JAM3: variants seen among roughly 807,000 people sequenced by gnomAD.
JAM3 encodes junctional adhesion molecule C.
In JAM3, 31 loss-of-function variants were observed where a neutral mutation model predicts 39.4. That is an observed-to-expected ratio of 0.79 (90% CI 0.59 to 1.06). The LOEUF (loss-of-function observed/expected upper bound fraction) is 1.06. Among genes scored for constraint, JAM3 ranks in the 50% least tolerant of loss-of-function variants. JAM3 has a pLI of 0.00. For synonymous variants in JAM3, 182 were observed against 148.7 expected (o/e 1.22, Z -1.63); for missense variants, 455 against 391.4 (o/e 1.16, Z -1.37).
At chr11:134,108,686 T>C (rs150696341) in intron 1 of JAM3, among the ~76,000 whole-genome samples, 16 of 152,270 alleles carry the variant, frequency 1.1e-4, no homozygotes, top group African/African-American at 3.9e-4. Flanking sequence ...AATAACGCAA[T>C]ATCACCATAT....
intron 1 of JAM3, among the ~76,000 whole-genome samples, chr11:134,131,179 C>T (rs1394941524): frequency 6.8e-6 from 1 of 147,942 alleles, no homozygotes; most frequent in Non-Finnish European, 1.5e-5. Flanking sequence ...TGAAGGAGTA[C>T]CCCTGCACAG....
intron 1 of JAM3, among the ~76,000 whole-genome samples, chr11:134,134,376 A>ACT (rs1288951827): frequency 1.4e-5 from 2 of 145,194 alleles, no homozygotes; most frequent in East Asian, 3.9e-4. Context: ...GAAGCTCAGA[A>ACT]AACACCAAAC....
rs1230800696 is a variant in JAM3 at position 134,150,724 on chromosome 11, A to G, written c.*1543A>G. ...TGCGAAATCAAGTCTGTCAAGTACAATAACATTTTTAAAAGAAAATGGATC... is the reference window on the plus strand; with the variant it reads ...TGCGAAATCAAGTCTGTCAAGTACAGTAACATTTTTAAAAGAAAATGGATC... On this transcript the variant is annotated 3_prime_UTR_variant, in exon 9 of 9. Transcript: ENST00000299106. The G allele has an allele frequency of 2.0e-5, 3 of 152,158 alleles. No individual in the cohort carries two copies. Among genetic ancestry groups the G allele is most frequent in the South Asian group, 2.1e-4 (1 of 4,816 alleles). 9.4% of individuals were successfully genotyped at this position (152,158 alleles called of 1,614,324 possible). A position where few individuals can be genotyped will look rare whatever the true frequency, so the allele number is the denominator to read the frequency against.
intron 1 of JAM3, among the ~76,000 whole-genome samples, chr11:134,093,944 C>G (rs1448071301): frequency 8.1e-6 from 1 of 122,902 alleles, no homozygotes; most frequent in Non-Finnish European, 1.7e-5. Flanking sequence ...CTGAACCCTC[C>G]TTATTCATCA....
intron 1 of JAM3, among the ~76,000 whole-genome samples, chr11:134,102,267 C>A (rs911581250): frequency 7.9e-5 from 12 of 152,116 alleles, no homozygotes; most frequent in Admixed American, 5.9e-4. Flanking sequence ...CTGGAGTGGA[C>A]CTCCAGCAAA....
At chr11:134,105,498 C>G (rs1188427503) in intron 1 of JAM3, among the ~76,000 whole-genome samples, 1 of 152,090 alleles carries the variant, frequency 6.6e-6, no homozygotes, top group Non-Finnish European at 1.5e-5. Flanking sequence ...GAAGTTCTGG[C>G]CAGGGCAATC....
chr11:134,130,263 G>T (rs1942743603), intron 1 of JAM3, among the ~76,000 whole-genome samples: 1 of 152,140 alleles, frequency 6.6e-6, no homozygotes. Context: ...CATTGAAAGA[G>T]CAAAGACACT....
In JAM3 at chr11:134,140,914, T is replaced by C. The variant is rs566890768; in HGVS notation, c.256+144T>C. On this transcript the variant is annotated intron_variant, in intron 3 of 8. Transcript: ENST00000299106. ...TTTTTTTTTTAAAGATTTATAATTA[T>C]GGAAAATTTCAAATATATGCAAAAG... 2,653 of 1,119,912 alleles carry C rather than the reference T, an allele frequency of 2.4e-3. 15 individuals are homozygous for C. Among genetic ancestry groups the C allele is most frequent in the South Asian group, 6.5e-3 (433 of 66,418 alleles). The allele number at this position is 1,119,912 out of a possible 1,614,324, so 69.4% of individuals were successfully genotyped here. A position where few individuals can be genotyped will look rare whatever the true frequency, so the allele number is the denominator to read the frequency against.
At chr11:134,128,919 C>G (rs1286391978) in intron 1 of JAM3, among the ~76,000 whole-genome samples, 2 of 152,036 alleles carry the variant, frequency 1.3e-5, no homozygotes, top group African/African-American at 4.8e-5. Flanking sequence ...TAGGAGTTGC[C>G]TAACAAAATA....
rs114720522 is a variant in JAM3 at position 134,111,793 on chromosome 11, A to C, written c.77-28058A>C. Among the ~76,000 whole-genome samples, 349 of 152,354 alleles carry C rather than the reference A, an allele frequency of 2.3e-3. 1 individual carries two copies. Among genetic ancestry groups the C allele is most frequent in the African/African-American group, 7.7e-3 (322 of 41,580 alleles). ...AAAGGGAATCTCCATTTTCTTTTAG[A>C]TAATGCCTCTCAATTAACAAAAATT... is the stretch of plus-strand genomic sequence containing the variant. On this transcript the variant is annotated intron_variant, in intron 1 of 8. Transcript: ENST00000299106.
In JAM3 at chr11:134,149,015, C is replaced by A. The variant is rs975607486; in HGVS notation, c.898-131C>A. ...ACACACTAATGGGATTTGTGCTTTG[C>A]AAGCGCTAGTGATGGTACTTTTTAA... is the stretch of plus-strand genomic sequence containing the variant. On this transcript the variant is annotated intron_variant, in intron 8 of 8. Coordinates refer to ENST00000299106, the MANE Select transcript of JAM3 (RefSeq NM_032801.5). 14 of 1,129,348 alleles carry A rather than the reference C, an allele frequency of 1.2e-5. No individual in the cohort carries two copies. In the Admixed American group the frequency reaches 2.4e-4, roughly 19 times the overall value. 70.0% of individuals were successfully genotyped at this position (1,129,348 alleles called of 1,614,324 possible).
At chr11:134,111,951 A>C (rs1469931878) in intron 1 of JAM3, among the ~76,000 whole-genome samples, 1 of 152,184 alleles carries the variant, frequency 6.6e-6, no homozygotes, top group Non-Finnish European at 1.5e-5. Flanking sequence ...CTCTCCACCT[A>C]CCACAACCTC....
chr11:134,106,802 G>A, intron 1 of JAM3, among the ~76,000 whole-genome samples: 1 of 152,212 alleles, frequency 6.6e-6, no homozygotes, highest in Middle Eastern at 3.2e-3. Flanking sequence ...ACACCAGTTA[G>A]AATTGCGATC....
At chr11:134,071,372 T>G in intron 1 of JAM3, among the ~76,000 whole-genome samples, 1 of 152,212 alleles carries the variant, frequency 6.6e-6, no homozygotes, top group Non-Finnish European at 1.5e-5. Flanking sequence ...AATCCAATTT[T>G]TAGTTATTTG....
chr11:134,077,880 G>A (rs1941599258), intron 1 of JAM3, among the ~76,000 whole-genome samples: 1 of 151,830 alleles, frequency 6.6e-6, no homozygotes, highest in Admixed American at 6.6e-5. Context: ...TTGAACTCCT[G>A]ACCACAGGTG....
chr11:134,098,270 C>A (rs1263936869), intron 1 of JAM3, among the ~76,000 whole-genome samples: 1 of 152,022 alleles, frequency 6.6e-6, no homozygotes, highest in Non-Finnish European at 1.5e-5. Context: ...GGAGTGGACA[C>A]AAAAGTTCAA....
intron 1 of JAM3, among the ~76,000 whole-genome samples, chr11:134,112,743 C>G (rs2044655526): frequency 6.6e-6 from 1 of 152,198 alleles, no homozygotes; most frequent in Non-Finnish European, 1.5e-5. Flanking sequence ...GAGATCAACT[C>G]AAGTAGCAAC....
chr11:134,088,644 C>G (rs1449237117), intron 1 of JAM3, among the ~76,000 whole-genome samples: 2 of 152,156 alleles, frequency 1.3e-5, no homozygotes, highest in African/African-American at 4.8e-5. Flanking sequence ...CATTAAATCA[C>G]TAGCAATAGA....
intron 1 of JAM3, among the ~76,000 whole-genome samples, chr11:134,136,879 C>A (rs192742788): frequency 6.6e-6 from 1 of 152,176 alleles, no homozygotes; most frequent in Admixed American, 6.5e-5. Context: ...TTTGGGAGGC[C>A]GAGGCGGACG....
Sources: gnomAD v4.1 joint callset for allele counts (sites outside exome capture counted in the v4.1 genomes callset) on GRCh38, gnomAD v4.1.1 for gene constraint, MANE v1.5 for transcripts, NCBI Gene and HGNC (gene_info 2026-07-23, HGNC 2026-07-21) for gene names.